Variants in RIPPLY1 observed in about 807,000 individuals in gnomAD.
The protein encoded by RIPPLY1 is ripply transcriptional repressor 1.
In RIPPLY1, 10 loss-of-function variants were observed where a neutral mutation model predicts 8.7. That is an observed-to-expected ratio of 1.15 (90% CI 0.71 to 1.94). The LOEUF is 1.94. RIPPLY1 is among the 30% of genes most tolerant of loss of function. The pLI is 0.00. For synonymous variants in RIPPLY1, 54 were observed against 44.8 expected (o/e 1.20, Z -0.82); for missense variants, 118 against 108.7 (o/e 1.09, Z -0.38).
chrX:106,901,656 TG>T (rs1394133977), intron 2 of RIPPLY1, 118 bp from the exon 3 acceptor site: 11 of 711,542 alleles, frequency 1.5e-5, no homozygotes, highest in Non-Finnish European at 2.3e-5. Flanking sequence ...TAGACATCTC[TG>T]GGACCCAGCA....
At chrX:106,901,389 C>T (rs1304630860) in intron 3 of RIPPLY1, 85 bp downstream of exon 3, 2 of 918,630 alleles carry the variant, frequency 2.2e-6, no homozygotes, top group South Asian at 2.1e-5. Context: ...CAATTCCTCC[C>T]CTCTCCTGCT....
In RIPPLY1 at chrX:106,900,869, G is replaced by A; in HGVS notation, c.336C>T (p.Tyr112=). The change falls in exon 4 of 4, where the codon TAC becomes TAT. Residue 112 remains tyrosine (Y), a synonymous_variant. Transcript: ENST00000276173. ...TCTGCAGTAAAATCTCCCCAGCACT[G>A]TACAGATAGTCGAAGGAGCGGGATT... ...WPKSRSFDYL[Y]SAGEILLQNF... 1 of 1,211,017 alleles carries A rather than the reference G, an allele frequency of 8.3e-7. No homozygotes were observed. The highest frequency in any genetic ancestry group is 1.1e-6 in the Non-Finnish European group (1 of 895,102).
In RIPPLY1 at chrX:106,900,500, T is replaced by C; in HGVS notation, c.*249A>G. 5.4e-6 allele frequency: 2 copies of C among 371,683 alleles called. No homozygotes were observed. The highest frequency in any genetic ancestry group is 8.9e-6 in the Non-Finnish European group (2 of 223,662). The allele number at this position is 371,683 out of a possible 1,213,427, so 30.6% of individuals were successfully genotyped here. A position where few individuals can be genotyped will look rare whatever the true frequency, so the allele number is the denominator to read the frequency against. On this transcript the variant is annotated 3_prime_UTR_variant, in exon 4 of 4. Coordinates refer to ENST00000276173, the MANE Select transcript of RIPPLY1 (RefSeq NM_138382.3). Reference sequence around the variant, plus strand: ...GCAAGAGGCCTGAGCTCACAGGCCATTCAGGTAAGCCAGGGTGAGCTGGGC... The same window carrying C: ...GCAAGAGGCCTGAGCTCACAGGCCACTCAGGTAAGCCAGGGTGAGCTGGGC...
chrX:106,902,082 G>A, intron 2 of RIPPLY1, 58 bp downstream of exon 2: 2 of 1,008,619 alleles, frequency 2.0e-6, no homozygotes, highest in Non-Finnish European at 2.7e-6. Context: ...GAAGTGACCT[G>A]GTCACTGTTA....
In RIPPLY1 at chrX:106,902,183, G is replaced by A; in HGVS notation, c.188C>T (p.Ser63Phe). 8.4e-7 allele frequency: 1 copy of A among 1,191,651 alleles called. No individual in the cohort carries two copies. Among genetic ancestry groups the A allele is most frequent in the South Asian group, 1.9e-5 (1 of 53,924 alleles). The change falls in exon 2 of 4, where the codon TCC (serine) becomes TTC (phenylalanine). Residue 63 changes from serine to phenylalanine, a missense_variant. Physicochemically the swap from Ser to Phe is radical, Grantham distance 155 (BLOSUM62 -2). Coordinates refer to ENST00000276173, the MANE Select transcript of RIPPLY1 (RefSeq NM_138382.3). Reference sequence around the variant, plus strand: ...CATCTGCCTTGGGGAGTCATTTGTGGAAGACAGCCAGGGCCTCCAGAGACA... The same window carrying A: ...CATCTGCCTTGGGGAGTCATTTGTGAAAGACAGCCAGGGCCTCCAGAGACA... The part of the protein sequence containing the change: ...GTCLWRPWLS[S>F]TNDSPRQMRK...
intron 2 of RIPPLY1, 37 bp from the exon 3 acceptor site, chrX:106,901,575 C>T: frequency 8.4e-7 from 1 of 1,183,629 alleles, no homozygotes; most frequent in Non-Finnish European, 1.1e-6. Flanking sequence ...GCTCAAAGTA[C>T]ATGGCTAGAT....
At chrX:106,902,317 G>T in intron 1 of RIPPLY1, 102 bp from the exon 2 acceptor site, 1 of 629,193 alleles carries the variant, frequency 1.6e-6, no homozygotes, top group Non-Finnish European at 2.5e-6. Flanking sequence ...GGTGCCATCT[G>T]CTCCAGGAAG....
intron 1 of RIPPLY1, among the ~76,000 whole-genome samples, chrX:106,902,667 C>T (rs1933121136): frequency 8.9e-6 from 1 of 112,147 alleles, no homozygotes; most frequent in African/African-American, 3.2e-5. Flanking sequence ...CAGAAATGTT[C>T]CTGGGTCCAC....
intron 3 of RIPPLY1, 143 bp downstream of exon 3, chrX:106,901,331 C>T: frequency 1.7e-6 from 1 of 587,418 alleles, no homozygotes. Flanking sequence ...GTCCCTTAAC[C>T]TCTCTGGGCT....
intron 2 of RIPPLY1, 92 bp from the exon 3 acceptor site, chrX:106,901,630 G>T: frequency 1.1e-6 from 1 of 920,029 alleles, no homozygotes; most frequent in Non-Finnish European, 1.6e-6. Context: ...CAGGTAAAAT[G>T]ATCTTGAAGA....
chrX:106,900,642 C>T lies in RIPPLY1; in HGVS notation c.*107G>A, dbSNP rs1255346222. The T allele has an allele frequency of 4.7e-6, 5 of 1,071,921 alleles. No individual in the cohort carries two copies. Among genetic ancestry groups the T allele is most frequent in the Non-Finnish European group, 6.1e-6 (5 of 825,265 alleles). The allele number at this position is 1,071,921 out of a possible 1,213,427, so 88.3% of individuals were successfully genotyped here. On this transcript the variant is annotated 3_prime_UTR_variant, in exon 4 of 4. Transcript: ENST00000276173. ...CTGAACCCCAATCAGACTCTGGCTG[C>T]CTCCATTTGGATAGGTTAGGGGTGA...
In RIPPLY1 at chrX:106,902,228, G is replaced by A; in HGVS notation, c.156-13C>T. The A allele has an allele frequency of 2.6e-6, 3 of 1,154,290 alleles. No homozygotes were observed. Among genetic ancestry groups the A allele is most frequent in the East Asian group, 3.2e-5 (1 of 31,379 alleles). ...GAGACAAGTTCCTCTGGGACAAAGA[G>A]GAGAGATCAATCCGTAGAGGAAGAG... On this transcript the variant is annotated splice_polypyrimidine_tract_variant and intron_variant, in intron 1 of 3. Coordinates refer to ENST00000276173, the MANE Select transcript of RIPPLY1 (RefSeq NM_138382.3).
chrX:106,903,256 G>GT lies in RIPPLY1; in HGVS notation c.31dup (p.Thr11AsnfsTer41). ...GGCCAAAGCCAGGGCTGGAACAGGG[G>GT]TGGCAGCAGCAGCACAGGCAGCAGA... is the stretch of plus-strand genomic sequence containing the variant. On this transcript the variant is annotated frameshift_variant, in exon 1 of 4. Transcript: ENST00000276173. LOFTEE classifies it high-confidence loss of function. 8.3e-7 allele frequency: 1 copy of GT among 1,208,857 alleles called. No homozygotes were observed. The highest frequency in any genetic ancestry group is 1.1e-6 in the Non-Finnish European group (1 of 893,665).
chrX:106,901,662 C>T, intron 2 of RIPPLY1, 124 bp from the exon 3 acceptor site: 1 of 625,686 alleles, frequency 1.6e-6, no homozygotes, highest in Non-Finnish European at 2.5e-6. Context: ...TCTCTGGGAC[C>T]CAGCAACCCC....
rs1368644508 is a variant in RIPPLY1, at chrX:106,900,156, G to A, written c.*593C>T. 6.3e-5 allele frequency: 7 copies of A among 111,466 alleles called. No homozygotes were observed. The highest frequency in any genetic ancestry group is 2.3e-4 in the African/African-American group (7 of 30,623). The allele number at this position is 111,466 out of a possible 1,213,427, so 9.2% of individuals were successfully genotyped here. The stretch of plus-strand genomic sequence containing the variant: ...TTCAATGGACAGCAGGCAAAATGGG[G>A]AGGCATCCCCAGAGCAAGCCGATTC... On this transcript the variant is annotated 3_prime_UTR_variant, in exon 4 of 4. Transcript: ENST00000276173.
chrX:106,903,009 G>C lies in RIPPLY1; in HGVS notation c.155+124C>G, dbSNP rs140960200. On this transcript the variant is annotated intron_variant, in intron 1 of 3. Coordinates refer to ENST00000276173, the MANE Select transcript of RIPPLY1 (RefSeq NM_138382.3). ...ATTCCAGCTAGAGTTGAGGAGGGAG[G>C]GCTATGAGGCCATTGCTTTTCCCCT... 222 of 695,932 alleles carry C rather than the reference G, an allele frequency of 3.2e-4. No individual in the cohort carries two copies. The East Asian group carries it at 6.7e-3, about 21-fold the overall frequency. The allele number at this position is 695,932 out of a possible 1,213,427, so 57.4% of individuals were successfully genotyped here.
intron 2 of RIPPLY1, among the ~76,000 whole-genome samples, chrX:106,901,862 G>T (rs1442618322): frequency 8.9e-6 from 1 of 111,757 alleles, no homozygotes; most frequent in Non-Finnish European, 1.9e-5. Flanking sequence ...GGAGTAAGGT[G>T]CCAGGAGACG....
intron 3 of RIPPLY1, 137 bp downstream of exon 3, chrX:106,901,336 TG>T: frequency 1.6e-6 from 1 of 615,049 alleles, no homozygotes; most frequent in Non-Finnish European, 2.6e-6. Context: ...TTAACCTCTC[TG>T]GGCTCCAGTT....
rs148800101 is a variant in RIPPLY1, at chrX:106,901,501, G to A, written c.269C>T (p.Ala90Val). The change falls in exon 3 of 4, where the codon GCT (alanine) becomes GTT (valine). Residue 90 changes from alanine (A) to valine (V), a missense_variant. By Grantham distance (64) the Ala-to-Val change is moderately conservative (BLOSUM62 0). Transcript: ENST00000276173. ...GACAGGGTGATGGAACTTGGATTCA[G>A]CCTTGGTGACCTCAGCAGCCGTTGC... The part of the protein sequence containing the change: ...GGATAAEVTK[A>V]ESKFHHPVRL... 5.9e-4 allele frequency: 715 copies of A among 1,209,916 alleles called. 6 individuals are homozygous for A. In the African/African-American group the frequency reaches 0.01, roughly 17 times the overall value.
Sources: allele counts gnomAD v4.1 joint callset (sites outside exome capture counted in the v4.1 genomes callset), GRCh38; gene constraint gnomAD v4.1.1; transcripts MANE v1.5; gene names NCBI Gene and HGNC (gene_info 2026-07-23, HGNC 2026-07-21).